TEAD1: variants seen among roughly 807,000 people sequenced by gnomAD.
TEAD1 encodes the protein TEA domain transcription factor 1, also known as transcriptional enhancer factor TEF-1.
A neutral mutation model predicts 54.9 loss-of-function variants in TEAD1; 9 were observed. The observed-to-expected ratio is 0.16, with a 90% confidence interval of 0.10 to 0.29. The LOEUF (loss-of-function observed/expected upper bound fraction) is 0.29, where lower values mean the gene tolerates loss of function less well. TEAD1 is among the 10% of genes least tolerant of loss of function. The probability of loss-of-function intolerance (pLI) is 1.00; values close to 1 mark genes in which losing one functional copy is unlikely to be tolerated. For missense variants in TEAD1, 387 were observed against 535.9 expected (o/e 0.72, Z 2.74); for synonymous variants, 200 against 187.8 (o/e 1.07, Z -0.53).
At chr11:12,771,775 C>G (rs1308377322) in intron 3 of TEAD1, among the ~76,000 whole-genome samples, 1 of 152,108 alleles carries the variant, frequency 6.6e-6, no homozygotes, top group African/African-American at 2.4e-5. Context: ...GATGCCCAGG[C>G]TCACAATTTA....
At chr11:12,728,148 A>G (rs963573841) in intron 2 of TEAD1, among the ~76,000 whole-genome samples, 3 of 152,130 alleles carry the variant, frequency 2.0e-5, no homozygotes, top group East Asian at 1.9e-4. Context: ...AGACCTGAAT[A>G]GTGTTCCTAA....
At chr11:12,744,874 C>G (rs1216084131) in intron 2 of TEAD1, among the ~76,000 whole-genome samples, 4 of 152,154 alleles carry the variant, frequency 2.6e-5, no homozygotes, top group Non-Finnish European at 5.9e-5. Context: ...CTGGCTCCCC[C>G]AGGCTTCCAG....
At chr11:12,718,997 T>C (rs965867459) in intron 2 of TEAD1, among the ~76,000 whole-genome samples, 3 of 151,572 alleles carry the variant, frequency 2.0e-5, no homozygotes, top group Admixed American at 6.6e-5. Context: ...TTTGGGGTTT[T>C]TTTTTTAGGG....
intron 2 of TEAD1, among the ~76,000 whole-genome samples, chr11:12,698,449 C>A (rs1943632370): frequency 6.6e-6 from 1 of 151,498 alleles, no homozygotes; most frequent in Non-Finnish European, 1.5e-5. Context: ...AGAGCACAGG[C>A]AGAGCAGGAA....
In TEAD1 at chr11:12,766,193, A is replaced by G. The variant is rs374136081; in HGVS notation, c.202+1759A>G. Among the ~76,000 whole-genome samples the G allele has an allele frequency of 3.9e-5, 6 of 152,334 alleles. No homozygotes were observed. In the South Asian group the frequency reaches 1.2e-3, roughly 32 times the overall value. On this transcript the variant is annotated intron_variant, in intron 3 of 12. Coordinates refer to ENST00000527636, the MANE Select transcript of TEAD1 (RefSeq NM_021961.6). ...TGGGAAAGGTCCTGTCCTTTCAGGA[A>G]TAAGGTTTTGGGGCTGAGAACATAA...
At chr11:12,919,719 C>T (rs986749264) in intron 10 of TEAD1, among the ~76,000 whole-genome samples, 3 of 151,956 alleles carry the variant, frequency 2.0e-5, no homozygotes, top group East Asian at 1.9e-4. Flanking sequence ...AGGCTGGTCT[C>T]GAACTCCTGG....
intron 3 of TEAD1, among the ~76,000 whole-genome samples, chr11:12,840,481 T>G (rs1947011976): frequency 6.6e-6 from 1 of 152,136 alleles, no homozygotes; most frequent in African/African-American, 2.4e-5. Flanking sequence ...TCCAAATTCA[T>G]GTACTGGGGT....
intron 2 of TEAD1, among the ~76,000 whole-genome samples, chr11:12,706,184 A>G (rs562408855): frequency 6.6e-6 from 1 of 152,330 alleles, no homozygotes; most frequent in South Asian, 2.1e-4. Flanking sequence ...AGCTGACCTC[A>G]CTGAACATTG....
chr11:12,701,185 T>C (rs899360074), intron 2 of TEAD1, among the ~76,000 whole-genome samples: 6 of 152,240 alleles, frequency 3.9e-5, no homozygotes, highest in Non-Finnish European at 7.3e-5. Flanking sequence ...TAGAGTCTAA[T>C]TTCTTAGAGA....
At chr11:12,732,176 G>C (rs546178416) in intron 2 of TEAD1, among the ~76,000 whole-genome samples, 2 of 151,986 alleles carry the variant, frequency 1.3e-5, no homozygotes, top group South Asian at 4.2e-4. Flanking sequence ...CTTTGAGATA[G>C]TATCAGGAAT....
chr11:12,853,901 G>GT (rs1353320775), intron 3 of TEAD1, among the ~76,000 whole-genome samples: 3 of 152,162 alleles, frequency 2.0e-5, no homozygotes, highest in Admixed American at 6.5e-5. Flanking sequence ...GTAACCAGGA[G>GT]TTAACACAGC....
At chr11:12,922,910 C>T (rs149658774) in intron 10 of TEAD1, 2,494 of 125,538 alleles carry the variant, frequency 0.02, 50 homozygotes, top group Non-Finnish European at 0.028. Context: ...GACGACAGGG[C>T]CAGACCCTGT....
At chr11:12,867,595 C>T (rs1368345396) in intron 5 of TEAD1, among the ~76,000 whole-genome samples, 1 of 152,138 alleles carries the variant, frequency 6.6e-6, no homozygotes, top group Non-Finnish European at 1.5e-5. Context: ...CCAGCCATTA[C>T]CAGGATATGG....
chr11:12,701,120 G>A (rs766410133), intron 2 of TEAD1, among the ~76,000 whole-genome samples: 64 of 152,256 alleles, frequency 4.2e-4, no homozygotes, highest in Admixed American at 4.6e-4. Context: ...TTGTAAGACC[G>A]TTGTGTTTTC....
At chr11:12,721,942 A>G (rs1010253300) in intron 2 of TEAD1, among the ~76,000 whole-genome samples, 2 of 152,142 alleles carry the variant, frequency 1.3e-5, no homozygotes, top group South Asian at 2.1e-4. Context: ...CCTGTGCGTA[A>G]GAGTTGCCTG....
At chr11:12,903,884 T>C (rs1948466985) in intron 10 of TEAD1, among the ~76,000 whole-genome samples, 1 of 152,226 alleles carries the variant, frequency 6.6e-6, no homozygotes. Context: ...GTAATACACA[T>C]GGACAACCTG....
Position 12,678,092 on chromosome 11 carries a change from T to C in TEAD1, c.-55+2531T>C, listed in dbSNP as rs77893757. On this transcript the variant is annotated intron_variant, in intron 2 of 12. Coordinates refer to ENST00000527636, the MANE Select transcript of TEAD1 (RefSeq NM_021961.6). ...GATTGTGAAAGGGAAAATAAATAAA[T>C]ATGAAAGCTGTGTTTAGAGGTCGAA... Among the ~76,000 whole-genome samples, 317 of 152,262 alleles carry C rather than the reference T, an allele frequency of 2.1e-3. 1 individual carries two copies. Among genetic ancestry groups the C allele is most frequent in the African/African-American group, 7.0e-3 (289 of 41,534 alleles).
At chr11:12,856,599 G>C (rs1282805469) in intron 3 of TEAD1, among the ~76,000 whole-genome samples, 1 of 152,196 alleles carries the variant, frequency 6.6e-6, no homozygotes, top group Non-Finnish European at 1.5e-5. Context: ...GCTGAGCGGG[G>C]TGGGGGGATA....
At chr11:12,687,281 A>G (rs1200253687) in intron 2 of TEAD1, among the ~76,000 whole-genome samples, 2 of 152,240 alleles carry the variant, frequency 1.3e-5, no homozygotes, top group Non-Finnish European at 2.9e-5. Flanking sequence ...CATACCATCC[A>G]TAACCCTCAA....
Sources: gnomAD v4.1 joint callset for allele counts (sites outside exome capture counted in the v4.1 genomes callset) on GRCh38, gnomAD v4.1.1 for gene constraint, MANE v1.5 for transcripts, NCBI Gene and HGNC (gene_info 2026-07-23, HGNC 2026-07-21) for gene names.